The following BCAS4 variants were observed in gnomAD, a reference collection of about 807,000 sequenced individuals.
BCAS4 encodes the protein breast carcinoma amplified sequence 4, also known as breast carcinoma-amplified sequence 4.
In BCAS4, 9 loss-of-function variants were observed where a neutral mutation model predicts 15.7. That is an observed-to-expected ratio of 0.57 (90% CI 0.34 to 1.00). The LOEUF is 1.00. Ranked by LOEUF, BCAS4 falls within the 50% of genes least tolerant of loss-of-function variation. The probability of loss-of-function intolerance (pLI) is 0.02; values close to 1 mark genes in which losing one functional copy is unlikely to be tolerated. For synonymous variants in BCAS4, 101 were observed against 99.5 expected (o/e 1.02, Z -0.09); for missense variants, 225 against 239.1 (o/e 0.94, Z 0.39).
In BCAS4 at chr20:50,795,197, G is replaced by C. The variant is rs1050652632; in HGVS notation, c.90+24G>C. On this transcript the variant is annotated intron_variant, in intron 1 of 4. Coordinates refer to ENST00000371608, the MANE Select transcript of BCAS4 (RefSeq NM_198799.4). ...AGGTAGGGGACGGGGCTGTGGAGTT[G>C]GAGGAGAGGGTTCTCGCGGTTAGGG... is the stretch of plus-strand genomic sequence containing the variant. The C allele has an allele frequency of 9.5e-6, 13 of 1,368,474 alleles. No individual in the cohort carries two copies. In the African/African-American group the frequency reaches 1.2e-4, roughly 13 times the overall value. The allele number at this position is 1,368,474 out of a possible 1,614,324, so 84.8% of individuals were successfully genotyped here.
the BCAS4 span, chr20:50,882,664 G>T: frequency 6.6e-6 from 1 of 152,196 alleles, no homozygotes; most frequent in African/African-American, 2.4e-5. Flanking sequence ...AAAATTAGGA[G>T]AATGCATATA....
chr20:50,797,349 AC>A (rs1372098786), intron 1 of BCAS4, among the ~76,000 whole-genome samples: 2 of 152,120 alleles, frequency 1.3e-5, no homozygotes, highest in African/African-American at 2.4e-5. Flanking sequence ...GCTGAATCGT[AC>A]ACTTTGAAAG....
intron 1 of BCAS4, among the ~76,000 whole-genome samples, chr20:50,816,183 G>A (rs774216819): frequency 1.3e-5 from 2 of 151,998 alleles, no homozygotes; most frequent in African/African-American, 4.8e-5. Context: ...GTGCCACCAC[G>A]TCTGGTTAAA....
intron 1 of BCAS4, among the ~76,000 whole-genome samples, chr20:50,810,701 C>T (rs1427455205): frequency 9.9e-5 from 15 of 151,552 alleles, no homozygotes; most frequent in Admixed American, 9.9e-4. Context: ...CGCCGTTTTC[C>T]TGGCGCAGCC....
chr20:50,836,901 A>T (rs2088416619), intron 3 of BCAS4, among the ~76,000 whole-genome samples: 1 of 151,882 alleles, frequency 6.6e-6, no homozygotes, highest in Admixed American at 6.6e-5. Flanking sequence ...TAGAGATGGA[A>T]TTTTGCCATG....
chr20:50,861,842 TCTC>T (rs1979091024), intron 4 of BCAS4, among the ~76,000 whole-genome samples: 2 of 148,580 alleles, frequency 1.3e-5, no homozygotes, highest in African/African-American at 2.5e-5. Flanking sequence ...TTCTTCTTCT[TCTC>T]CTTTTTTTTT....
chr20:50,874,887 A>G (rs1446510490), intron 4 of BCAS4, among the ~76,000 whole-genome samples: 1 of 152,160 alleles, frequency 6.6e-6, no homozygotes, highest in East Asian at 1.9e-4. Flanking sequence ...TCTCAGCCAG[A>G]GTGGGCAGAG....
rs191835463 is a variant in BCAS4, at chr20:50,847,906, G to T, written c.399+6006G>T. On this transcript the variant is annotated intron_variant, in intron 4 of 4. Transcript: ENST00000371608. ...AAAAAAATACAAAACTTTGCCAGGG[G>T]TGGTGGTGCATGCCTGTATTCCCAG... Among the ~76,000 whole-genome samples the T allele has an allele frequency of 4.6e-5, 7 of 152,126 alleles. 1 individual carries two copies. In the East Asian group the frequency reaches 1.4e-3, roughly 29 times the overall value.
chr20:50,858,474 C>T (rs893787734), intron 4 of BCAS4, among the ~76,000 whole-genome samples: 4 of 152,040 alleles, frequency 2.6e-5, no homozygotes, highest in Admixed American at 6.6e-5. Context: ...TGGTGGCAAG[C>T]GCCTGTAATC....
intron 2 of BCAS4, among the ~76,000 whole-genome samples, chr20:50,820,734 G>A (rs2088203567): frequency 6.6e-6 from 1 of 152,084 alleles, no homozygotes. Flanking sequence ...TCCTGTGGTG[G>A]GAAGTGTGTG....
chr20:50,865,042 G>T (rs939839474), intron 4 of BCAS4, among the ~76,000 whole-genome samples: 1 of 152,032 alleles, frequency 6.6e-6, no homozygotes, highest in East Asian at 1.9e-4. Flanking sequence ...GCAGTGAGCC[G>T]AGATCGCACC....
intron 3 of BCAS4, 85 bp downstream of exon 3, chr20:50,830,465 G>A: frequency 9.0e-7 from 1 of 1,107,050 alleles, no homozygotes; most frequent in African/African-American, 1.6e-5. Context: ...CTGGCCTTGA[G>A]CATGTCAGGC....
intron 4 of BCAS4, among the ~76,000 whole-genome samples, chr20:50,862,941 G>A (rs1568683614): frequency 6.6e-6 from 1 of 152,080 alleles, no homozygotes; most frequent in Non-Finnish European, 1.5e-5. Flanking sequence ...CCGGGTTCTT[G>A]TGCCTCAGCC....
At chr20:50,864,237 A>C (rs1034740213) in intron 4 of BCAS4, among the ~76,000 whole-genome samples, 3 of 152,122 alleles carry the variant, frequency 2.0e-5, no homozygotes, top group African/African-American at 4.8e-5. Context: ...GCCTGATTGC[A>C]TGGGTTTGCA....
intron 3 of BCAS4, among the ~76,000 whole-genome samples, chr20:50,835,795 T>C (rs952865023): frequency 2.2e-4 from 34 of 152,264 alleles, no homozygotes; most frequent in African/African-American, 7.9e-4. Context: ...GCACGTCTGC[T>C]TTCCTTAGAG....
intron 4 of BCAS4, among the ~76,000 whole-genome samples, chr20:50,864,882 T>C (rs1009092832): frequency 1.1e-4 from 17 of 151,584 alleles, no homozygotes; most frequent in African/African-American, 3.9e-4. Context: ...TTACTTGAGG[T>C]CAGGAGTTTG....
intron 4 of BCAS4, among the ~76,000 whole-genome samples, chr20:50,847,589 A>G (rs1371353059): frequency 6.6e-6 from 1 of 152,240 alleles, no homozygotes; most frequent in Non-Finnish European, 1.5e-5. Flanking sequence ...AAACTGAGGC[A>G]TAGAGAGGGT....
At chr20:50,836,540 C>G (rs981108015) in intron 3 of BCAS4, among the ~76,000 whole-genome samples, 3 of 152,164 alleles carry the variant, frequency 2.0e-5, no homozygotes, top group Non-Finnish European at 4.4e-5. Context: ...GATAATTTGT[C>G]CAGGATGGAC....
intron 1 of BCAS4, among the ~76,000 whole-genome samples, chr20:50,804,721 A>G (rs146079955): frequency 3.9e-5 from 6 of 152,342 alleles, no homozygotes; most frequent in African/African-American, 1.2e-4. Context: ...CAGGGTCTGC[A>G]TGATTTTAGA....
Sources: allele counts gnomAD v4.1 joint callset (sites outside exome capture counted in the v4.1 genomes callset), GRCh38; gene constraint gnomAD v4.1.1; transcripts MANE v1.5; gene names NCBI Gene and HGNC (gene_info 2026-07-23, HGNC 2026-07-21).